Variants in COL26A1 observed in about 807,000 individuals in gnomAD.
COL26A1 encodes collagen type XXVI alpha 1 chain.
COL26A1 carries 41 observed loss-of-function variants against 59.3 expected under a neutral mutation model. The ratio of observed to expected loss-of-function variants is 0.69; its 90% confidence interval spans 0.54 to 0.90. The LOEUF (loss-of-function observed/expected upper bound fraction) is 0.90, where lower values mean the gene tolerates loss of function less well. COL26A1 is among the 40% of genes least tolerant of loss of function. The pLI is 0.00. For synonymous variants in COL26A1, 266 were observed against 256.0 expected (o/e 1.04, Z -0.37); for missense variants, 612 against 602.3 (o/e 1.02, Z -0.17).
At chr7:101,426,208 G>T (rs1267928373) in intron 2 of COL26A1, among the ~76,000 whole-genome samples, 1 of 152,134 alleles carries the variant, frequency 6.6e-6, no homozygotes, top group African/African-American at 2.4e-5. Flanking sequence ...CCCTGAGCGA[G>T]CAGAGCCTGG....
chr7:101,459,571 G>A (rs1298294270), intron 3 of COL26A1, among the ~76,000 whole-genome samples: 1 of 151,038 alleles, frequency 6.6e-6, no homozygotes, highest in South Asian at 2.1e-4. Context: ...GCCTCCCAAA[G>A]CATTGGGATT....
chr7:101,465,672 C>A (rs1242078048), intron 3 of COL26A1, among the ~76,000 whole-genome samples: 1 of 132,520 alleles, frequency 7.5e-6, no homozygotes, highest in Non-Finnish European at 1.5e-5. Flanking sequence ...CCAGCCTGGA[C>A]GACAAAGTGA....
intron 3 of COL26A1, among the ~76,000 whole-genome samples, chr7:101,474,716 T>C (rs1353787330): frequency 2.6e-5 from 4 of 152,228 alleles, no homozygotes; most frequent in African/African-American, 9.6e-5. Flanking sequence ...GCTAAGTCCA[T>C]AGTTAATACC....
At chr7:101,390,613 T>C (rs564974263) in intron 1 of COL26A1, among the ~76,000 whole-genome samples, 2 of 152,134 alleles carry the variant, frequency 1.3e-5, no homozygotes, top group East Asian at 3.9e-4. Flanking sequence ...TTTTGAGAAA[T>C]GGGATCTTGC....
At chr7:101,546,792 G>T (rs1795745424) in intron 7 of COL26A1, among the ~76,000 whole-genome samples, 1 of 152,160 alleles carries the variant, frequency 6.6e-6, no homozygotes, top group Non-Finnish European at 1.5e-5. Flanking sequence ...AGGGCTTCCT[G>T]GAGGAGTGAG....
chr7:101,386,646 G>C (rs947671708), intron 1 of COL26A1, among the ~76,000 whole-genome samples: 1 of 152,232 alleles, frequency 6.6e-6, no homozygotes, highest in East Asian at 1.9e-4. Context: ...ATCCCTTATT[G>C]AATCAACGGC....
At chr7:101,461,947 GT>G (rs1454689157) in intron 3 of COL26A1, among the ~76,000 whole-genome samples, 1 of 150,770 alleles carries the variant, frequency 6.6e-6, no homozygotes, top group Non-Finnish European at 1.5e-5. Context: ...TGCTTAGCCT[GT>G]TATGGTGATG....
At chr7:101,527,251 A>G (rs1171647262) in intron 3 of COL26A1, among the ~76,000 whole-genome samples, 1 of 152,044 alleles carries the variant, frequency 6.6e-6, no homozygotes, top group Non-Finnish European at 1.5e-5. Context: ...GATGACACGC[A>G]TGAGCCACCC....
intron 3 of COL26A1, among the ~76,000 whole-genome samples, chr7:101,477,447 T>C (rs1794073776): frequency 6.6e-6 from 1 of 152,204 alleles, no homozygotes; most frequent in South Asian, 2.1e-4. Flanking sequence ...GACCCTCTCT[T>C]GGGCTGGTTG....
At chr7:101,397,087 C>T (rs949113459) in intron 1 of COL26A1, among the ~76,000 whole-genome samples, 2 of 152,088 alleles carry the variant, frequency 1.3e-5, no homozygotes, top group East Asian at 1.9e-4. Flanking sequence ...GGCTAGAGTC[C>T]CTGTGCAATG....
intron 11 of COL26A1, among the ~76,000 whole-genome samples, chr7:101,554,296 T>C (rs1396494282): frequency 6.6e-6 from 1 of 152,054 alleles, no homozygotes; most frequent in African/African-American, 2.4e-5. Context: ...CCAGGGGACC[T>C]TCAGGAAGTC....
rs149702602 is a variant in COL26A1, at chr7:101,549,001, C to T, written c.941-170C>T. ...AGCCGGTGGAGAGGACCCTGGGCTC[C>T]GAGGATGGAGACCTCGTTGAGAGGG... is the stretch of plus-strand genomic sequence containing the variant. On this transcript the variant is annotated intron_variant, in intron 8 of 12. Coordinates refer to ENST00000313669, the MANE Select transcript of COL26A1 (RefSeq NM_001278563.3). 9.6e-4 allele frequency among the ~76,000 whole-genome samples: 146 copies of T among 152,240 alleles called. 3 individuals are homozygous for T. The South Asian group carries it at 0.017, about 18-fold the overall frequency.
chr7:101,442,328 T>C (rs1793078698), intron 2 of COL26A1, among the ~76,000 whole-genome samples: 1 of 76,516 alleles, frequency 1.3e-5, no homozygotes, highest in Non-Finnish European at 2.4e-5. Flanking sequence ...TCTAGGTCTT[T>C]CTTTTTTTTT....
At chr7:101,514,659 C>T (rs1794992293) in intron 3 of COL26A1, among the ~76,000 whole-genome samples, 1 of 152,228 alleles carries the variant, frequency 6.6e-6, no homozygotes, top group Admixed American at 6.5e-5. Flanking sequence ...CAGGACCCCC[C>T]TCCAAGACAG....
intron 1 of COL26A1, among the ~76,000 whole-genome samples, chr7:101,363,618 G>A (rs1257559797): frequency 9.1e-5 from 13 of 142,480 alleles, no homozygotes; most frequent in Admixed American, 2.0e-4. Context: ...GCGGGGCTGC[G>A]GGGCTGCGGG....
chr7:101,465,309 G>C (rs991979842), intron 3 of COL26A1, among the ~76,000 whole-genome samples: 27 of 152,050 alleles, frequency 1.8e-4, no homozygotes, highest in African/African-American at 6.5e-4. Context: ...CAAAGTGCTG[G>C]CATTGCAGAT....
chr7:101,491,349 C>G (rs757953279), intron 3 of COL26A1, among the ~76,000 whole-genome samples: 3 of 152,096 alleles, frequency 2.0e-5, no homozygotes, highest in Non-Finnish European at 4.4e-5. Context: ...TAAACACTTA[C>G]CAGCACACCA....
intron 4 of COL26A1, 138 bp downstream of exon 4, chr7:101,533,281 C>T: frequency 2.9e-6 from 2 of 684,018 alleles, no homozygotes; most frequent in East Asian, 2.7e-5. Context: ...CAGCCGGTCC[C>T]AGGTACTGGG....
At chr7:101,512,572 T>C (rs188605486) in intron 3 of COL26A1, among the ~76,000 whole-genome samples, 14 of 152,254 alleles carry the variant, frequency 9.2e-5, no homozygotes, top group African/African-American at 3.4e-4. Context: ...CAGTGAGCTA[T>C]GATCGTGCCA....
Sources: gnomAD v4.1 joint callset for allele counts (sites outside exome capture counted in the v4.1 genomes callset) on GRCh38, gnomAD v4.1.1 for gene constraint, MANE v1.5 for transcripts, NCBI Gene and HGNC (gene_info 2026-07-23, HGNC 2026-07-21) for gene names.